The following AGTPBP1 variants were observed in gnomAD, a reference collection of about 807,000 sequenced individuals.
AGTPBP1 encodes the protein cytosolic carboxypeptidase 1.
In AGTPBP1, 70 loss-of-function variants were observed where a neutral mutation model predicts 143.9. The ratio of observed to expected loss-of-function variants is 0.49; its 90% CI spans 0.40 to 0.59. The LOEUF (loss-of-function observed/expected upper bound fraction) is 0.59, where lower values mean the gene tolerates loss of function less well. Among genes scored for constraint, AGTPBP1 ranks in the 20% least tolerant of loss-of-function variants. The probability of loss-of-function intolerance (pLI) is 0.00; values close to 1 mark genes in which losing one functional copy is unlikely to be tolerated. For synonymous variants in AGTPBP1, 463 were observed against 500.2 expected (o/e 0.93, Z 0.99); for missense variants, 1,229 against 1,464.5 (o/e 0.84, Z 2.62).
rs764680532 is a variant in AGTPBP1 at position 85,677,578 on chromosome 9, T to G, written c.294A>C (p.Gly98=). 4.7e-6 allele frequency: 7 copies of G among 1,505,024 alleles called. No individual in the cohort carries two copies. In the Admixed American group the frequency reaches 9.9e-5, roughly 21 times the overall value. The allele number at this position is 1,505,024 out of a possible 1,614,324, so 93.2% of individuals were successfully genotyped here. A position where few individuals can be genotyped will look rare whatever the true frequency, so the allele number is the denominator to read the frequency against. Residue 98 remains glycine, a synonymous_variant, in exon 6 of 26, where the codon GGA becomes GGC. Coordinates refer to ENST00000357081, the MANE Select transcript of AGTPBP1 (RefSeq NM_001330701.2). ...SILVELVSAG[G]GRRVSFLVTK... ...TGACTAAGAAACTCACTCTTCGACC[T>G]CCACCTAAAAATTAAAAAAAAAAAA...
chr9:85,592,807 A>G (rs1394768681), intron 18 of AGTPBP1, 103 bp from the exon 19 acceptor site: 14 of 1,409,932 alleles, frequency 9.9e-6, no homozygotes, highest in Non-Finnish European at 1.4e-5. Flanking sequence ...GAAAAACCCG[A>G]GTCTGTAAAA....
intron 23 of AGTPBP1, among the ~76,000 whole-genome samples, chr9:85,584,366 AT>A (rs1828473093): frequency 6.6e-6 from 1 of 152,072 alleles, no homozygotes; most frequent in Non-Finnish European, 1.5e-5. Flanking sequence ...CTTGAACTTA[AT>A]TTCTGCATGC....
chr9:85,596,560 C>A, intron 17 of AGTPBP1, 111 bp from the exon 18 acceptor site: 1 of 664,296 alleles, frequency 1.5e-6, no homozygotes. Flanking sequence ...AAGTAAATTA[C>A]ATTTCAGTTT....
At chr9:85,591,708 G>A (rs2133226622) in intron 19 of AGTPBP1, among the ~76,000 whole-genome samples, 1 of 152,192 alleles carries the variant, frequency 6.6e-6, no homozygotes, top group African/African-American at 2.4e-5. Flanking sequence ...CTCATTTAAT[G>A]CTGTCAGCCT....
intron 24 of AGTPBP1, among the ~76,000 whole-genome samples, chr9:85,576,554 G>T (rs1827914328): frequency 6.6e-6 from 1 of 152,086 alleles, no homozygotes; most frequent in Non-Finnish European, 1.5e-5. Context: ...TTTTAGAAAG[G>T]TTATACATGT....
At chr9:85,734,483 A>C (rs1015329993) in intron 1 of AGTPBP1, among the ~76,000 whole-genome samples, 1 of 152,224 alleles carries the variant, frequency 6.6e-6, no homozygotes, top group Non-Finnish European at 1.5e-5. Context: ...ATGACCATTA[A>C]TGCAAAACTC....
At chr9:85,736,531 A>G (rs958757553) in intron 1 of AGTPBP1, among the ~76,000 whole-genome samples, 1 of 152,176 alleles carries the variant, frequency 6.6e-6, no homozygotes, top group African/African-American at 2.4e-5. Flanking sequence ...ATCTAGCTAT[A>G]ATACTTTTTT....
chr9:85,592,452 AAACTC>A, intron 19 of AGTPBP1, 103 bp downstream of exon 19: 1 of 741,654 alleles, frequency 1.3e-6, no homozygotes, highest in African/African-American at 1.9e-5. Context: ...ATATTTAACT[AAACTC>A]AATTATTATC....
intron 8 of AGTPBP1, among the ~76,000 whole-genome samples, chr9:85,661,353 TA>T (rs1205113068): frequency 2.0e-5 from 3 of 152,074 alleles, no homozygotes; most frequent in African/African-American, 2.4e-5. Flanking sequence ...GCAAAGGAAT[TA>T]AAAACAAATC....
intron 1 of AGTPBP1, among the ~76,000 whole-genome samples, chr9:85,733,084 G>GA (rs1838995641): frequency 6.6e-6 from 1 of 152,024 alleles, no homozygotes; most frequent in African/African-American, 2.4e-5. Flanking sequence ...AGAACAACCA[G>GA]AAAGAAGTGA....
intron 9 of AGTPBP1, among the ~76,000 whole-genome samples, chr9:85,660,653 T>C (rs1833799678): frequency 1.3e-5 from 2 of 152,144 alleles, no homozygotes; most frequent in South Asian, 4.1e-4. Context: ...TATTTTCCTC[T>C]ACTAATGGAT....
chr9:85,681,499 A>G (rs1479605670), intron 3 of AGTPBP1, among the ~76,000 whole-genome samples, 164 bp from the exon 4 acceptor site: 15 of 152,150 alleles, frequency 9.9e-5, no homozygotes, highest in Non-Finnish European at 1.9e-4. Context: ...ATTCTACCAT[A>G]TGTGGACTTC....
chr9:85,715,849 G>A (rs1837670820), intron 1 of AGTPBP1, among the ~76,000 whole-genome samples: 1 of 152,148 alleles, frequency 6.6e-6, no homozygotes, highest in Admixed American at 6.5e-5. Context: ...TAAAGCAAGA[G>A]GGCAGAGGAA....
chr9:85,641,453 CTTT>C (rs148241036), intron 13 of AGTPBP1, among the ~76,000 whole-genome samples: 80 of 149,566 alleles, frequency 5.3e-4, no homozygotes, highest in Non-Finnish European at 8.9e-4. Flanking sequence ...TTCCTGTCTT[CTTT>C]TTTTTTTCTT....
upstream of AGTPBP1, chr9:85,742,152 G>GGGAGCGCGCGCGTGGGGGC (rs1440593648): frequency 2.7e-5 from 18 of 666,822 alleles, no homozygotes; most frequent in East Asian, 5.1e-5. Flanking sequence ...CCTGACGGGA[G>GGGAGCGCGCGCGTGGGGGC]GGAGCGCGCG....
chr9:85,560,741 A>C (rs1159447392), intron 25 of AGTPBP1, among the ~76,000 whole-genome samples: 1 of 152,224 alleles, frequency 6.6e-6, no homozygotes, highest in Non-Finnish European at 1.5e-5. Context: ...AAGAAAGAAT[A>C]GGTGAATTAG....
chr9:85,562,661 C>G (rs1193804765), intron 25 of AGTPBP1, among the ~76,000 whole-genome samples: 1 of 152,136 alleles, frequency 6.6e-6, no homozygotes, highest in African/African-American at 2.4e-5. Flanking sequence ...CGACTGGCAA[C>G]TTATTTTTCA....
chr9:85,617,450 T>A (rs945205669), intron 17 of AGTPBP1, among the ~76,000 whole-genome samples: 1 of 152,198 alleles, frequency 6.6e-6, no homozygotes, highest in African/African-American at 2.4e-5. Flanking sequence ...TGCTTCAATT[T>A]TAAAATGTTG....
At chr9:85,672,023 T>C (rs1231679429) in intron 7 of AGTPBP1, among the ~76,000 whole-genome samples, 1 of 152,168 alleles carries the variant, frequency 6.6e-6, no homozygotes, top group Non-Finnish European at 1.5e-5. Flanking sequence ...TCCTATCCTT[T>C]ATAAATTGGA....
Sources: allele counts gnomAD v4.1 joint callset (sites outside exome capture counted in the v4.1 genomes callset), GRCh38; gene constraint gnomAD v4.1.1; transcripts MANE v1.5; gene names NCBI Gene and HGNC (gene_info 2026-07-23, HGNC 2026-07-21).